Variants in ADGRV1 observed in about 807,000 individuals in gnomAD.
ADGRV1 encodes adhesion G protein-coupled receptor V1, also known as G-protein coupled receptor 98.
In ADGRV1, 359 loss-of-function variants were observed where a neutral mutation model predicts 596.2. The ratio of observed to expected loss-of-function variants is 0.60; its 90% CI spans 0.55 to 0.66. The LOEUF (loss-of-function observed/expected upper bound fraction) is 0.66. Among genes scored for constraint, ADGRV1 ranks in the 30% least tolerant of loss-of-function variants. The probability of loss-of-function intolerance (pLI) is 0.00; values close to 1 mark genes in which losing one functional copy is unlikely to be tolerated. For synonymous variants in ADGRV1, 2,681 were observed against 2,679.2 expected, an observed-to-expected ratio of 1.00 and a Z score of -0.02; for missense variants, 7,274 against 7,575.6, an observed-to-expected ratio of 0.96 and a Z score of 1.48.
chr5:90,765,793 C>T (rs1258249897), intron 59 of ADGRV1, among the ~76,000 whole-genome samples: 2 of 151,868 alleles, frequency 1.3e-5, no homozygotes, highest in Non-Finnish European at 2.9e-5. Context: ...AAGCTTCGAC[C>T]TCCCGGCTCA....
chr5:90,894,027 G>C (rs915168190), intron 83 of ADGRV1, among the ~76,000 whole-genome samples: 3 of 152,150 alleles, frequency 2.0e-5, no homozygotes, highest in African/African-American at 7.2e-5. Context: ...ATTATAGCTT[G>C]TGGCTAAACC....
chr5:91,095,118 T>A (rs2886924), intron 86 of ADGRV1, among the ~76,000 whole-genome samples: 1 of 152,004 alleles, frequency 6.6e-6, no homozygotes, highest in African/African-American at 2.4e-5. Flanking sequence ...AAATTAGATC[T>A]GAGTATAGAA....
chr5:90,705,346 A>G (rs530484136), intron 36 of ADGRV1, 54 bp from the exon 37 acceptor site: 4 of 1,457,490 alleles, frequency 2.7e-6, no homozygotes, highest in South Asian at 1.2e-5. Context: ...CTATGTTTCC[A>G]GCGATTAAAA....
At chr5:90,587,626 C>T (rs548586578) in intron 1 of ADGRV1, among the ~76,000 whole-genome samples, 45 of 148,210 alleles carry the variant, frequency 3.0e-4, no homozygotes, top group South Asian at 1.5e-3. Flanking sequence ...GTGCAATCTT[C>T]GCTCACTGCA....
intron 83 of ADGRV1, among the ~76,000 whole-genome samples, chr5:90,902,791 G>GA (rs1357919451): frequency 6.6e-6 from 1 of 152,098 alleles, no homozygotes; most frequent in Admixed American, 6.6e-5. Context: ...GGATTTTTCA[G>GA]AAGGCAGCTT....
Position 90,703,736 on chromosome 5 carries a change from A to C in ADGRV1, c.8227A>C (p.Ile2743Leu), listed in dbSNP as rs761101476. ...AAATGTTACTGTTAACTGGAAAATT[A>C]TTGGGCAAAATCTAGAACTCAATTT... ...RGNVTVNWKI[I>L]GQNLELNFAN... The change falls in exon 35 of 90, where the codon ATT (isoleucine) becomes CTT (leucine). Residue 2743 changes from isoleucine to leucine, a missense_variant. Physicochemically the swap from Ile to Leu is conservative, Grantham distance 5. This residue lies in a region of ADGRV1 where 3,643 missense variants were observed against 3,809.2 expected (regional missense o/e 0.96). Transcript: ENST00000405460. The C allele has an allele frequency of 1.2e-5, 19 of 1,606,082 alleles. No homozygotes were observed. The South Asian group carries it at 2.0e-4, about 17-fold the overall frequency.
At chr5:91,011,152 C>T (rs923244313) in intron 85 of ADGRV1, among the ~76,000 whole-genome samples, 2 of 151,876 alleles carry the variant, frequency 1.3e-5, no homozygotes, top group African/African-American at 4.8e-5. Flanking sequence ...CACAACCTTG[C>T]TTTACTACTT....
chr5:90,666,984 T>C (rs1333089697), intron 21 of ADGRV1, among the ~76,000 whole-genome samples: 1 of 152,198 alleles, frequency 6.6e-6, no homozygotes, highest in Non-Finnish European at 1.5e-5. Context: ...AGATCCGTTG[T>C]TAGTCTGATG....
At chr5:90,844,583 G>A (rs1269944243) in intron 78 of ADGRV1, among the ~76,000 whole-genome samples, 1 of 152,166 alleles carries the variant, frequency 6.6e-6, no homozygotes, top group African/African-American at 2.4e-5. Flanking sequence ...TTAATAGCAA[G>A]AGCAGTCTAA....
intron 85 of ADGRV1, among the ~76,000 whole-genome samples, chr5:91,018,424 G>A (rs60689150): frequency 0.03 from 4,553 of 152,032 alleles, 84 homozygotes; most frequent in South Asian, 0.086. Flanking sequence ...GAGAGGTTTT[G>A]GCAGAGCCTC....
In ADGRV1 at chr5:90,986,634, T is replaced by A. The variant is rs186962896; in HGVS notation, c.18152+1112T>A. 3.9e-3 allele frequency among the ~76,000 whole-genome samples: 587 copies of A among 151,624 alleles called. 1 individual carries two copies. The highest frequency in any genetic ancestry group is 0.014 in the South Asian group (68 of 4,768). On this transcript the variant is annotated intron_variant, in intron 85 of 89. Coordinates refer to ENST00000405460, the MANE Select transcript of ADGRV1 (RefSeq NM_032119.4). ...GTATTTTTGTAATTCTGTCTTTTTA[T>A]TGAAATTCAAAAGACTCCCTAATAC... is the stretch of plus-strand genomic sequence containing the variant.
rs545911399 is a variant in ADGRV1 at position 90,868,481 on chromosome 5, C to T, written c.17856+4624C>T. 1.9e-4 allele frequency among the ~76,000 whole-genome samples: 29 copies of T among 152,070 alleles called. No individual in the cohort carries two copies. The East Asian group carries it at 5.4e-3, about 28-fold the overall frequency. ...GTATGAACAAGGCCTTTATTCTGGT[C>T]ATTCTCATAGCATTTGACAATTTGT... On this transcript the variant is annotated intron_variant, in intron 83 of 89. Coordinates refer to ENST00000405460, the MANE Select transcript of ADGRV1 (RefSeq NM_032119.4).
intron 89 of ADGRV1, among the ~76,000 whole-genome samples, chr5:91,158,703 A>T (rs949079071): frequency 5.3e-5 from 8 of 152,262 alleles, no homozygotes; most frequent in Admixed American, 4.6e-4. Context: ...AAGGGTGGCC[A>T]GGTGAACATG....
intron 15 of ADGRV1, 143 bp downstream of exon 15, chr5:90,645,012 A>C (rs1767535276): frequency 3.2e-6 from 2 of 620,522 alleles, no homozygotes; most frequent in Admixed American, 7.2e-5. Context: ...CTGACCATAA[A>C]CCAGAAGAGC....
intron 82 of ADGRV1, among the ~76,000 whole-genome samples, chr5:90,859,271 C>T (rs1455463749): frequency 1.3e-5 from 2 of 152,070 alleles, no homozygotes; most frequent in African/African-American, 4.8e-5. Flanking sequence ...GTCACCACAC[C>T]AGCCTGACAT....
At chr5:90,797,173 T>A (rs912895509) in intron 70 of ADGRV1, among the ~76,000 whole-genome samples, 1 of 150,770 alleles carries the variant, frequency 6.6e-6, no homozygotes, top group African/African-American at 2.4e-5. Context: ...AGACACAGAC[T>A]GCCAAATTGG....
chr5:90,688,098 A>T (rs1745929638), intron 29 of ADGRV1, among the ~76,000 whole-genome samples: 1 of 152,116 alleles, frequency 6.6e-6, no homozygotes, highest in African/African-American at 2.4e-5. Flanking sequence ...GTCAATCCTA[A>T]GCCAAAAGAA....
chr5:90,600,636 G>A (rs989861090), intron 1 of ADGRV1, among the ~76,000 whole-genome samples: 1 of 152,194 alleles, frequency 6.6e-6, no homozygotes, highest in Non-Finnish European at 1.5e-5. Context: ...TGTCTTTATA[G>A]TGGCACGATT....
intron 89 of ADGRV1, among the ~76,000 whole-genome samples, chr5:91,154,657 G>A (rs973851977): frequency 7.9e-5 from 12 of 152,170 alleles, no homozygotes; most frequent in African/African-American, 2.7e-4. Context: ...AATTTATAAA[G>A]GAAAGAGGTT....
Sources: allele counts gnomAD v4.1 joint callset (sites outside exome capture counted in the v4.1 genomes callset), GRCh38; gene constraint gnomAD v4.1.1; regional missense constraint gnomAD v4.1.1; transcripts MANE v1.5; gene names NCBI Gene and HGNC (gene_info 2026-07-23, HGNC 2026-07-21).